LRMDA: variants seen among roughly 807,000 people sequenced by gnomAD.
LRMDA encodes the protein leucine rich melanocyte differentiation associated, also known as leucine-rich melanocyte differentiation-associated protein.
A neutral mutation model predicts 29.8 loss-of-function variants in LRMDA; 18 were observed. That is an observed-to-expected ratio of 0.60 (90% CI 0.42 to 0.90). LRMDA has a LOEUF of 0.90. LRMDA is among the 40% of genes least tolerant of loss of function. LRMDA has a pLI of 0.00. For missense variants in LRMDA, 273 were observed against 273.9 expected (o/e 1.00, Z 0.02); for synonymous variants, 125 against 109.4 (o/e 1.14, Z -0.89).
chr10:75,597,589 T>C (rs3012037), intron 2 of LRMDA, among the ~76,000 whole-genome samples: 114,545 of 152,120 alleles, frequency 0.75, 43,269 homozygotes, highest in East Asian at 0.85. Context: ...GCAGGTGGTG[T>C]GACTTTCATA....
chr10:76,414,250 C>T (rs1196992308), intron 6 of LRMDA, among the ~76,000 whole-genome samples: 1 of 152,100 alleles, frequency 6.6e-6, no homozygotes, highest in Non-Finnish European at 1.5e-5. Context: ...AATGTTATTC[C>T]TCAAATAAGG....
chr10:76,230,041 GACCATC>G (rs1477698107), intron 5 of LRMDA, among the ~76,000 whole-genome samples: 1 of 152,008 alleles, frequency 6.6e-6, no homozygotes, highest in Non-Finnish European at 1.5e-5. Flanking sequence ...ATAACTGCCT[GACCATC>G]ACCTGATGGT....
At chr10:76,067,813 C>T (rs182071127) in intron 5 of LRMDA, among the ~76,000 whole-genome samples, 27 of 152,336 alleles carry the variant, frequency 1.8e-4, no homozygotes, top group Middle Eastern at 3.4e-3. Flanking sequence ...ATGATGGCCT[C>T]GGCATCCCCT....
chr10:76,095,151 C>T (rs1039646723), intron 5 of LRMDA, among the ~76,000 whole-genome samples: 1 of 152,130 alleles, frequency 6.6e-6, no homozygotes, highest in Non-Finnish European at 1.5e-5. Context: ...CCCAACCATC[C>T]CTACCATCCC....
intron 2 of LRMDA, among the ~76,000 whole-genome samples, chr10:75,821,634 T>C (rs1379004844): frequency 2.6e-5 from 4 of 151,824 alleles, no homozygotes; most frequent in African/African-American, 9.7e-5. Context: ...CTGGACGTGG[T>C]GGTGGGTGCC....
At chr10:75,886,741 G>T (rs1314720020) in intron 2 of LRMDA, among the ~76,000 whole-genome samples, 3 of 152,082 alleles carry the variant, frequency 2.0e-5, no homozygotes, top group Non-Finnish European at 4.4e-5. Flanking sequence ...CCTATCCACT[G>T]ATCAGAGAAT....
intron 2 of LRMDA, among the ~76,000 whole-genome samples, chr10:75,957,205 G>A (rs1846678108): frequency 6.6e-6 from 1 of 152,228 alleles, no homozygotes; most frequent in South Asian, 2.1e-4. Context: ...TTGTATTTGA[G>A]TACATTTAGC....
intron 2 of LRMDA, among the ~76,000 whole-genome samples, chr10:75,458,299 G>A (rs897057032): frequency 2.0e-5 from 3 of 152,166 alleles, no homozygotes; most frequent in African/African-American, 7.2e-5. Flanking sequence ...CTATGGCATT[G>A]GTTGTTTATA....
At chr10:76,412,171 C>T (rs1841968919) in intron 6 of LRMDA, among the ~76,000 whole-genome samples, 1 of 152,164 alleles carries the variant, frequency 6.6e-6, no homozygotes, top group African/African-American at 2.4e-5. Context: ...TAAGTGAAAT[C>T]TTGCCTTATT....
intron 2 of LRMDA, among the ~76,000 whole-genome samples, chr10:75,994,037 C>T (rs1847417465): frequency 6.6e-6 from 1 of 152,226 alleles, no homozygotes; most frequent in African/African-American, 2.4e-5. Context: ...GCCCCAATCC[C>T]TCACCTAAAC....
intron 2 of LRMDA, among the ~76,000 whole-genome samples, chr10:75,462,598 T>C (rs772423961): frequency 6.6e-6 from 1 of 152,216 alleles, no homozygotes; most frequent in African/African-American, 2.4e-5. Context: ...GGGGCTGGAA[T>C]TGAAATCTGA....
chr10:76,383,138 G>A (rs987526271), intron 6 of LRMDA, among the ~76,000 whole-genome samples: 4 of 152,200 alleles, frequency 2.6e-5, no homozygotes, highest in Non-Finnish European at 5.9e-5. Flanking sequence ...ATTTACAAGT[G>A]TGTCTCCAGG....
chr10:76,394,108 A>G lies in LRMDA; in HGVS notation c.601+69623A>G, dbSNP rs563261503. Among the ~76,000 whole-genome samples the G allele has an allele frequency of 2.0e-5, 3 of 152,344 alleles. No individual in the cohort carries two copies. The South Asian group carries it at 6.2e-4, about 32-fold the overall frequency. On this transcript the variant is annotated intron_variant, in intron 6 of 6. Transcript: ENST00000611255. ...CCATTAATAGCCCAGTGCAGCCAGA[A>G]TGAACAAGGTGTTACAGAATGTGAT... is the stretch of plus-strand genomic sequence containing the variant.
At chr10:75,607,030 A>T (rs1812624570) in intron 2 of LRMDA, among the ~76,000 whole-genome samples, 2 of 152,256 alleles carry the variant, frequency 1.3e-5, no homozygotes, top group African/African-American at 4.8e-5. Context: ...AGCCCAAATG[A>T]TATTTTATGG....
intron 2 of LRMDA, among the ~76,000 whole-genome samples, chr10:76,007,025 T>TGTGTGTGTGTGTGTGTGCGC (rs894279739): frequency 3.6e-5 from 1 of 27,474 alleles, no homozygotes; most frequent in East Asian, 7.3e-4. Flanking sequence ...TGTGTGTGTG[T>TGTGTGTGTGTGTGTGTGCGC]GTGTGTGCGC....
At chr10:75,763,669 A>G (rs926952237) in intron 2 of LRMDA, among the ~76,000 whole-genome samples, 2 of 152,062 alleles carry the variant, frequency 1.3e-5, no homozygotes, top group East Asian at 1.9e-4. Context: ...TCTCCCTGCA[A>G]TGAGTTCTAG....
At chr10:75,956,496 T>G (rs1846665740) in intron 2 of LRMDA, among the ~76,000 whole-genome samples, 4 of 152,166 alleles carry the variant, frequency 2.6e-5, no homozygotes, top group Non-Finnish European at 5.9e-5. Context: ...CTTAAACACC[T>G]CTGAAACTCA....
chr10:76,407,342 T>C (rs1284563855), intron 6 of LRMDA, among the ~76,000 whole-genome samples: 2 of 152,212 alleles, frequency 1.3e-5, no homozygotes, highest in East Asian at 1.9e-4. Flanking sequence ...TATTGTTTCA[T>C]TGATTCTCTC....
At chr10:76,135,321 T>G (rs1025134091) in intron 5 of LRMDA, among the ~76,000 whole-genome samples, 1 of 152,204 alleles carries the variant, frequency 6.6e-6, no homozygotes. Context: ...AATGGAGGCA[T>G]GTGGTCCCTT....
Sources: gnomAD v4.1 joint callset for allele counts (sites outside exome capture counted in the v4.1 genomes callset) on GRCh38, gnomAD v4.1.1 for gene constraint, MANE v1.5 for transcripts, NCBI Gene and HGNC (gene_info 2026-07-23, HGNC 2026-07-21) for gene names.